FRMPD4: variants seen among roughly 807,000 people sequenced by gnomAD.
The protein encoded by FRMPD4 is FERM and PDZ domain-containing protein 4.
FRMPD4 carries 22 observed loss-of-function variants against 94.1 expected under a neutral mutation model. The ratio of observed to expected loss-of-function variants is 0.23; its 90% confidence interval spans 0.17 to 0.33. The LOEUF is 0.33. Among genes scored for constraint, FRMPD4 ranks in the 10% least tolerant of loss-of-function variants. FRMPD4 has a pLI of 1.00. For missense variants in FRMPD4, 1,111 were observed against 1,339.9 expected (o/e 0.83, Z 2.67); for synonymous variants, 631 against 548.6 (o/e 1.15, Z -2.10).
At position 12,288,860 on chromosome X, in the gene FRMPD4, A is replaced by G. The variant is rs1269819524; in HGVS notation, c.41+149848A>G. Among the ~76,000 whole-genome samples, 3 of 112,183 alleles carry G rather than the reference A, an allele frequency of 2.7e-5. No individual in the cohort carries two copies. In the Admixed American group the frequency reaches 2.8e-4, roughly 11 times the overall value. On this transcript the variant is annotated intron_variant, in intron 1 of 16. Coordinates refer to ENST00000675598, the MANE Select transcript of FRMPD4 (RefSeq NM_001368397.1). ...GATAATTTGTTGTATGATTTTTTCA[A>G]TAATTTCATTCAGCCAATTTATTGG... is the stretch of plus-strand genomic sequence containing the variant.
intron 3 of FRMPD4, among the ~76,000 whole-genome samples, chrX:12,042,005 T>TAGAGA (rs944076216): frequency 1.8e-5 from 2 of 111,809 alleles, no homozygotes; most frequent in African/African-American, 6.5e-5. Flanking sequence ...GGCTCAGGGG[T>TAGAGA]AGAGAATTTG....
At chrX:12,390,382 G>A (rs1347223985) in intron 1 of FRMPD4, among the ~76,000 whole-genome samples, 1 of 112,297 alleles carries the variant, frequency 8.9e-6, no homozygotes, top group Non-Finnish European at 1.9e-5. Context: ...ATATTTGTTC[G>A]TGAGATGATC....
intron 4 of FRMPD4, among the ~76,000 whole-genome samples, chrX:12,637,258 T>C (rs1020374382): frequency 4.5e-5 from 5 of 112,350 alleles, no homozygotes; most frequent in Admixed American, 3.8e-4. Flanking sequence ...TATCCCACAG[T>C]GCACATGCAA....
At chrX:12,632,594 A>G (rs190667461) in intron 4 of FRMPD4, among the ~76,000 whole-genome samples, 1 of 112,136 alleles carries the variant, frequency 8.9e-6, no homozygotes, top group Non-Finnish European at 1.9e-5. Flanking sequence ...GAATGTTCCA[A>G]AATGGCAGCT....
chrX:12,648,524 A>G lies in FRMPD4; in HGVS notation c.423-26339A>G, dbSNP rs116242073. On this transcript the variant is annotated intron_variant, in intron 4 of 16. Transcript: ENST00000675598. ...TCTATCTGTAGTCGCTCTGCTTTGC[A>G]ACTGTCAAATTCTGCCCTGCCAGGT... 5.7e-3 allele frequency among the ~76,000 whole-genome samples: 635 copies of G among 111,907 alleles called. 6 individuals carry two copies. Among genetic ancestry groups the G allele is most frequent in the African/African-American group, 0.02 (608 of 30,771 alleles).
intron 3 of FRMPD4, among the ~76,000 whole-genome samples, chrX:12,043,263 A>T (rs1195260754): frequency 1.8e-5 from 2 of 112,100 alleles, no homozygotes; most frequent in African/African-American, 6.5e-5. Flanking sequence ...TGTATGTATG[A>T]CTTTTTTGTG....
rs929503789 is a variant in FRMPD4, at chrX:11,897,488, G to A, written c.95+19470G>A. Among the ~76,000 whole-genome samples the A allele has an allele frequency of 2.7e-5, 3 of 112,202 alleles. No individual in the cohort carries two copies. The Admixed American group carries it at 2.8e-4, about 11-fold the overall frequency. On this transcript the variant is annotated intron_variant, in intron 3 of 18. Coordinates refer to the FRMPD4 transcript ENST00000640291. ...AAGTGACTGTGTGTTAGTAATTGTTGAAGCTGGGTGTTGAGTACATGGCCC... is the reference window on the plus strand; with the variant it reads ...AAGTGACTGTGTGTTAGTAATTGTTAAAGCTGGGTGTTGAGTACATGGCCC...
At chrX:12,297,477 G>A (rs2054790577) in intron 1 of FRMPD4, among the ~76,000 whole-genome samples, 2 of 111,923 alleles carry the variant, frequency 1.8e-5, no homozygotes, top group African/African-American at 6.5e-5. Context: ...GAGTATGACA[G>A]GGAATTGTGG....
intron 3 of FRMPD4, among the ~76,000 whole-genome samples, chrX:11,987,097 T>TCAAAAAAAAAAAAA (rs1569137639): frequency 2.0e-4 from 3 of 14,649 alleles, no homozygotes; most frequent in African/African-American, 1.4e-3. Flanking sequence ...CAAAGACACA[T>TCAAAAAAAAAAAAA]TAAAAAAAAA....
At chrX:12,270,252 A>G (rs2054335055) in intron 1 of FRMPD4, among the ~76,000 whole-genome samples, 1 of 63,429 alleles carries the variant, frequency 1.6e-5, no homozygotes. Flanking sequence ...GCCAAATACC[A>G]TTGTCTTTTT....
intron 3 of FRMPD4, among the ~76,000 whole-genome samples, chrX:12,079,284 T>C (rs1322492964): frequency 9.1e-6 from 1 of 109,664 alleles, no homozygotes; most frequent in Non-Finnish European, 1.9e-5. Context: ...TTATTGAAAT[T>C]CTCCACCGCC....
At chrX:12,273,169 A>G (rs1012677008) in intron 1 of FRMPD4, among the ~76,000 whole-genome samples, 3 of 111,812 alleles carry the variant, frequency 2.7e-5, no homozygotes, top group Non-Finnish European at 3.8e-5. Context: ...TAGTCTTGTT[A>G]TTCTAGACAA....
chrX:12,423,556 G>A (rs932176372), intron 1 of FRMPD4, among the ~76,000 whole-genome samples: 5 of 111,888 alleles, frequency 4.5e-5, no homozygotes, highest in African/African-American at 1.6e-4. Context: ...TGTTGCCCAA[G>A]TGAGGGTGGG....
intron 4 of FRMPD4, among the ~76,000 whole-genome samples, chrX:12,656,354 A>G (rs1357895171): frequency 8.9e-6 from 1 of 112,286 alleles, no homozygotes; most frequent in Non-Finnish European, 1.9e-5. Flanking sequence ...AGTATACACC[A>G]AACAGAAATA....
intron 1 of FRMPD4, among the ~76,000 whole-genome samples, chrX:12,305,725 G>GTTTTTTTTTGTTTTTTTTTTT (rs563804861): frequency 1.7e-5 from 1 of 59,721 alleles, no homozygotes; most frequent in African/African-American, 7.6e-5. Flanking sequence ...AGCTGGCTAA[G>GTTTTTTTTTGTTTTTTTTTTT]TTTTTTTTTT....
In FRMPD4 at chrX:12,718,577, G is replaced by A. The variant is rs758946317; in HGVS notation, c.3751G>A (p.Ala1251Thr). 5.8e-6 allele frequency: 7 copies of A among 1,208,205 alleles called. No homozygotes were observed. In the East Asian group the frequency reaches 1.5e-4, roughly 26 times the overall value. Reference sequence around the variant, plus strand: ...CCTGGGGAAGCACTTGATTCCTGACGCTTCTGGGAAAGGCGTGAATTACAT... The same window carrying A: ...CCTGGGGAAGCACTTGATTCCTGACACTTCTGGGAAAGGCGTGAATTACAT... ...PSLGKHLIPD[A>T]SGKGVNYIPS... The change falls in exon 16 of 17, where the codon GCT becomes ACT. Residue 1251 changes from alanine (A) to threonine (T), a missense_variant. Transcript: ENST00000675598.
chrX:12,127,654 C>T (rs769273794), intron 3 of FRMPD4, among the ~76,000 whole-genome samples: 1 of 112,158 alleles, frequency 8.9e-6, no homozygotes, highest in Non-Finnish European at 1.9e-5. Flanking sequence ...GCCTTTCCAA[C>T]AGTCCCCCAA....
At chrX:12,202,980 G>A (rs1488360945) in intron 1 of FRMPD4, among the ~76,000 whole-genome samples, 1 of 112,034 alleles carries the variant, frequency 8.9e-6, no homozygotes, top group Non-Finnish European at 1.9e-5. Flanking sequence ...TGACACCTTG[G>A]TTTCAGACTT....
intron 3 of FRMPD4, among the ~76,000 whole-genome samples, chrX:12,022,443 A>G (rs369053268): frequency 8.9e-6 from 1 of 112,155 alleles, no homozygotes; most frequent in African/African-American, 3.2e-5. Flanking sequence ...ATGGACATGA[A>G]GATTAAATAC....
Sources: gnomAD v4.1 joint callset for allele counts (sites outside exome capture counted in the v4.1 genomes callset) on GRCh38, gnomAD v4.1.1 for gene constraint, MANE v1.5 for transcripts, NCBI Gene and HGNC (gene_info 2026-07-23, HGNC 2026-07-21) for gene names.